The following SDK2 variants were observed in gnomAD, a reference collection of about 807,000 sequenced individuals.
SDK2 encodes protein sidekick-2.
In SDK2, 105 loss-of-function variants were observed where a neutral mutation model predicts 253.9. The ratio of observed to expected loss-of-function variants is 0.41; its 90% CI spans 0.35 to 0.49. SDK2 has a LOEUF of 0.49. Among genes scored for constraint, SDK2 ranks in the 20% least tolerant of loss-of-function variants. The pLI, the probability that SDK2 is intolerant of heterozygous loss-of-function variation, is 0.06. For synonymous variants in SDK2, 1,249 were observed against 1,234.9 expected, an observed-to-expected ratio of 1.01 and a Z score of -0.24; for missense variants, 2,608 against 3,003.0, an observed-to-expected ratio of 0.87 and a Z score of 3.07.
At chr17:73,547,985 A>T (rs186112084) in intron 1 of SDK2, among the ~76,000 whole-genome samples, 5 of 152,274 alleles carry the variant, frequency 3.3e-5, no homozygotes, top group South Asian at 4.2e-4. Flanking sequence ...GCAGAGCAGG[A>T]GAGAGAGAGA....
chr17:73,379,598 G>T lies in SDK2; in HGVS notation c.4763-49C>A. ...GAAGCACACTGAGGTCACCGTCATT[G>T]CTGGGAAGGTGTCCCCAGGGAGGGT... is the stretch of plus-strand genomic sequence containing the variant. On this transcript the variant is annotated intron_variant, in intron 34 of 44. Coordinates refer to ENST00000392650, the MANE Select transcript of SDK2 (RefSeq NM_001144952.2). This position sits in a 1 kb window ranked among gnomAD's most constrained non-coding sequence, Gnocchi z 4.5. 2 of 1,188,550 alleles carry T rather than the reference G, an allele frequency of 1.7e-6. No homozygotes were observed. The highest frequency in any genetic ancestry group is 2.5e-6 in the Non-Finnish European group (2 of 814,618). 73.6% of individuals were successfully genotyped at this position (1,188,550 alleles called of 1,614,324 possible). A position where few individuals can be genotyped will look rare whatever the true frequency, so the allele number is the denominator to read the frequency against.
chr17:73,354,950 C>A (rs928674833), intron 40 of SDK2, among the ~76,000 whole-genome samples: 27 of 151,668 alleles, frequency 1.8e-4, no homozygotes, highest in Admixed American at 2.6e-4. Flanking sequence ...GGCGCCTCGA[C>A]ACCCTGGCGT....
intron 1 of SDK2, among the ~76,000 whole-genome samples, chr17:73,556,166 C>T (rs895235397): frequency 6.6e-5 from 10 of 152,164 alleles, no homozygotes; most frequent in Non-Finnish European, 1.3e-4. Flanking sequence ...CCCCAGACAT[C>T]GGGAATGGAG....
intron 2 of SDK2, among the ~76,000 whole-genome samples, chr17:73,489,389 T>G (rs1460861964): frequency 6.6e-6 from 1 of 152,188 alleles, no homozygotes; most frequent in Non-Finnish European, 1.5e-5. Context: ...TTTGTCAAGC[T>G]AATTCATACT....
rs753573465 is a variant in SDK2, at chr17:73,384,015, C to T, written c.4570-4G>A. 2 of 1,613,222 alleles carry T rather than the reference C, an allele frequency of 1.2e-6. No individual in the cohort carries two copies. Among genetic ancestry groups the T allele is most frequent in the Admixed American group, 1.7e-5 (1 of 59,916 alleles). On this transcript the variant is annotated splice_region_variant and splice_polypyrimidine_tract_variant and intron_variant, in intron 32 of 44. Transcript: ENST00000392650. The stretch of plus-strand genomic sequence containing the variant: ...TGATCTTGTCCTCTGCTGGCGGCTG[C>T]AGGAAGGGAGTAGGGCATGGGGAGG...
Position 73,350,636 on chromosome 17 carries a change from G to A in SDK2, c.5899+14C>T. ...CTCAAGTCCAGCCAGCATGGCTGGTGCCAGCTCACTCACCCGAGTCTGTCT... is the reference window on the plus strand; with the variant it reads ...CTCAAGTCCAGCCAGCATGGCTGGTACCAGCTCACTCACCCGAGTCTGTCT... On this transcript the variant is annotated intron_variant, in intron 42 of 44. Transcript: ENST00000392650. 6.2e-7 allele frequency: 1 copy of A among 1,607,264 alleles called. No homozygotes were observed. Among genetic ancestry groups the A allele is most frequent in the South Asian group, 1.1e-5 (1 of 90,366 alleles).
intron 32 of SDK2, among the ~76,000 whole-genome samples, chr17:73,384,938 G>A (rs1314298161): frequency 2.0e-5 from 3 of 152,186 alleles, no homozygotes; most frequent in Non-Finnish European, 4.4e-5. Flanking sequence ...CCTCTGCCAC[G>A]TTGCTCCAGC....
rs1451347764 is a variant in SDK2, at chr17:73,483,681, A to T, written c.225-11463T>A. Among the ~76,000 whole-genome samples the T allele has an allele frequency of 6.2e-3, 345 of 55,518 alleles. 21 individuals carry two copies. Among genetic ancestry groups the T allele is most frequent in the African/African-American group, 9.9e-3 (153 of 15,424 alleles). 36.4% of individuals were successfully genotyped at this position (55,518 alleles called of 152,430 possible). The stretch of plus-strand genomic sequence containing the variant: ...TGTGTGTATATATATATATATATAT[A>T]TTTATATATATATATATATATATAT... On this transcript the variant is annotated intron_variant, in intron 2 of 44. Coordinates refer to ENST00000392650, the MANE Select transcript of SDK2 (RefSeq NM_001144952.2).
chr17:73,374,266 C>T (rs1249292914), intron 36 of SDK2, among the ~76,000 whole-genome samples: 1 of 144,722 alleles, frequency 6.9e-6, no homozygotes, highest in East Asian at 2.2e-4. Context: ...CTCTCTTGAA[C>T]TCCAGACATG....
intron 40 of SDK2, among the ~76,000 whole-genome samples, chr17:73,357,098 A>G (rs1566294): frequency 0.99 from 150,151 of 152,310 alleles, 74,060 homozygotes; most frequent in Middle Eastern, 1. Flanking sequence ...CTCCGGCCAC[A>G]CAGCAGATCT....
chr17:73,366,598 C>T (rs559539845), intron 37 of SDK2, among the ~76,000 whole-genome samples: 6 of 152,276 alleles, frequency 3.9e-5, no homozygotes, highest in South Asian at 4.1e-4. Context: ...TTCCAGTCCA[C>T]GAGGACAGAA....
rs2062850536 is a variant in SDK2, at chr17:73,383,785, G to A, written c.4705+91C>T. On this transcript the variant is annotated intron_variant, in intron 33 of 44. Coordinates refer to ENST00000392650, the MANE Select transcript of SDK2 (RefSeq NM_001144952.2). This position sits in a 1 kb window ranked among gnomAD's most constrained non-coding sequence, Gnocchi z 4.3. ...GAGGGAGGCAAGGTTTCAGGTTAGA[G>A]TGGTTCCAGGAAGCTGAGAGCTCCA... 2.6e-6 allele frequency: 4 copies of A among 1,525,020 alleles called. No individual in the cohort carries two copies. The highest frequency in any genetic ancestry group is 3.6e-6 in the Non-Finnish European group (4 of 1,110,722). The allele number at this position is 1,525,020 out of a possible 1,614,324, so 94.5% of individuals were successfully genotyped here. A position where few individuals can be genotyped will look rare whatever the true frequency, so the allele number is the denominator to read the frequency against.
At position 73,338,573 on chromosome 17, in the gene SDK2, T is replaced by C. The variant is rs1453272383; in HGVS notation, c.*14A>G. ...TTGGTGCCATTTCTCTTTCTGCTTTTTCCTCTTCTGATGTCAAACAAATGA... is the reference window on the plus strand; with the variant it reads ...TTGGTGCCATTTCTCTTTCTGCTTTCTCCTCTTCTGATGTCAAACAAATGA... On this transcript the variant is annotated 3_prime_UTR_variant, in exon 45 of 45. Coordinates refer to ENST00000392650, the MANE Select transcript of SDK2 (RefSeq NM_001144952.2). The surrounding 1 kb of genome is among the most constrained non-coding windows in gnomAD (Gnocchi z 5.0). 8 of 1,468,592 alleles carry C rather than the reference T, an allele frequency of 5.4e-6. No homozygotes were observed. Among genetic ancestry groups the C allele is most frequent in the Non-Finnish European group, 7.3e-6 (8 of 1,098,556 alleles). 91.0% of individuals were successfully genotyped at this position (1,468,592 alleles called of 1,614,324 possible).
intron 2 of SDK2, among the ~76,000 whole-genome samples, chr17:73,486,526 C>T (rs1215222588): frequency 2.7e-5 from 4 of 148,530 alleles, no homozygotes; most frequent in African/African-American, 5.0e-5. Context: ...AGGAGGATTG[C>T]TTGAGACCAG....
intron 18 of SDK2, among the ~76,000 whole-genome samples, chr17:73,408,002 T>C (rs556249693): frequency 6.6e-6 from 1 of 151,210 alleles, no homozygotes; most frequent in African/African-American, 2.4e-5. Flanking sequence ...GACTTTGTGC[T>C]TTCTGATCAA....
At chr17:73,421,996 G>A (rs2063235529) in intron 15 of SDK2, among the ~76,000 whole-genome samples, 1 of 152,162 alleles carries the variant, frequency 6.6e-6, no homozygotes, top group African/African-American at 2.4e-5. Context: ...CAGCCCATGC[G>A]GATGTGGAGT....
intron 1 of SDK2, among the ~76,000 whole-genome samples, chr17:73,603,103 T>C (rs2045862510): frequency 6.6e-6 from 1 of 152,118 alleles, no homozygotes; most frequent in African/African-American, 2.4e-5. Flanking sequence ...CCCTCCCAGG[T>C]TGTGACAACC....
At chr17:73,516,332 C>T (rs74835841) in intron 1 of SDK2, among the ~76,000 whole-genome samples, 1,808 of 152,308 alleles carry the variant, frequency 0.012, 31 homozygotes, top group African/African-American at 0.041. Flanking sequence ...CTGCTGTGGC[C>T]CTGTTCGGCC....
intron 16 of SDK2, among the ~76,000 whole-genome samples, chr17:73,417,044 G>A (rs552609499): frequency 1.3e-5 from 2 of 152,110 alleles, no homozygotes; most frequent in African/African-American, 4.8e-5. Context: ...TAATCGACTG[G>A]TTATAGGTGT....
Sources: gnomAD v4.1 joint callset for allele counts (sites outside exome capture counted in the v4.1 genomes callset) on GRCh38, gnomAD v4.1.1 for gene constraint, Gnocchi (gnomAD v3.1) non-coding constraint, MANE v1.5 for transcripts, NCBI Gene and HGNC (gene_info 2026-07-23, HGNC 2026-07-21) for gene names.